Variants in CCDC178 observed in about 807,000 individuals in gnomAD.
CCDC178 encodes the protein coiled-coil domain containing 178, also known as coiled-coil domain-containing protein 178.
A neutral mutation model predicts 117.4 loss-of-function variants in CCDC178; 126 were observed. The observed-to-expected ratio is 1.07, with a 90% CI of 0.93 to 1.24. The LOEUF is 1.24. Ranked by LOEUF, CCDC178 falls within the 50% of genes most tolerant of loss-of-function variation. The pLI, the probability that CCDC178 is intolerant of heterozygous loss-of-function variation, is 0.00. For synonymous variants in CCDC178, 283 were observed against 313.4 expected, an observed-to-expected ratio of 0.90 and a Z score of 1.02; for missense variants, 1,030 against 986.9, an observed-to-expected ratio of 1.04 and a Z score of -0.59.
intron 5 of CCDC178, 81 bp downstream of exon 5, chr18:33,389,459 A>G (rs939779532): frequency 1.7e-5 from 9 of 544,444 alleles, no homozygotes; most frequent in Non-Finnish European, 2.4e-5. Context: ...CAAAATAGAA[A>G]TAGTATTGAC....
At chr18:33,202,193 A>T (rs949493573) in intron 20 of CCDC178, among the ~76,000 whole-genome samples, 2 of 151,954 alleles carry the variant, frequency 1.3e-5, no homozygotes, top group Admixed American at 6.6e-5. Context: ...AGAGATCGAG[A>T]CCATCCTGGT....
chr18:32,937,960 G>T lies in CCDC178; in HGVS notation c.*51C>A. ...CCAATTACACTGTTATCTGAACTGT[G>T]TGACTTTTCTTGTCTTTTATTTCAG... On this transcript the variant is annotated 3_prime_UTR_variant, in exon 23 of 23. Coordinates refer to ENST00000383096, the MANE Select transcript of CCDC178 (RefSeq NM_001105528.4). The T allele has an allele frequency of 7.2e-7, 1 of 1,384,986 alleles. No individual in the cohort carries two copies. Among genetic ancestry groups the T allele is most frequent in the Non-Finnish European group, 1.0e-6 (1 of 972,364 alleles). 85.8% of individuals were successfully genotyped at this position (1,384,986 alleles called of 1,614,324 possible).
intron 21 of CCDC178, among the ~76,000 whole-genome samples, chr18:33,016,407 T>C (rs189445459): frequency 6.6e-6 from 1 of 151,518 alleles, no homozygotes; most frequent in Admixed American, 6.6e-5. Context: ...AATGAAAAAA[T>C]ATTAGGCAAG....
chr18:33,291,239 C>T (rs2060162728), intron 12 of CCDC178, among the ~76,000 whole-genome samples: 1 of 152,004 alleles, frequency 6.6e-6, no homozygotes, highest in South Asian at 2.1e-4. Context: ...ATACCTGATA[C>T]TACATTAAAC....
chr18:32,989,031 GT>G (rs1568201603), intron 21 of CCDC178, among the ~76,000 whole-genome samples: 1 of 151,994 alleles, frequency 6.6e-6, no homozygotes, highest in African/African-American at 2.4e-5. Flanking sequence ...ATTTTTCCAA[GT>G]TTTAAAGACA....
Position 33,409,277 on chromosome 18 carries a change from G to A in CCDC178, c.58+2754C>T, listed in dbSNP as rs189174350. ...TTTTCGTATTTTTTGTAAAGACAGG[G>A]TTTCACTCTGTTTCCCAAGCTGGTC... On this transcript the variant is annotated intron_variant, in intron 3 of 22. Coordinates refer to ENST00000383096, the MANE Select transcript of CCDC178 (RefSeq NM_001105528.4). 6.9e-3 allele frequency among the ~76,000 whole-genome samples: 1,052 copies of A among 152,032 alleles called. 10 individuals carry two copies. Among genetic ancestry groups the A allele is most frequent in the Non-Finnish European group, 8.6e-3 (584 of 67,974 alleles).
chr18:33,241,281 A>G (rs2059484277), intron 15 of CCDC178, among the ~76,000 whole-genome samples: 1 of 150,948 alleles, frequency 6.6e-6, no homozygotes, highest in Admixed American at 6.6e-5. Context: ...TCTAGGAACT[A>G]AACAAGACAA....
chr18:33,324,208 G>A (rs550297781), intron 10 of CCDC178, among the ~76,000 whole-genome samples: 1 of 151,520 alleles, frequency 6.6e-6, no homozygotes, highest in South Asian at 2.1e-4. Context: ...TCTGTATATC[G>A]CTGTATCACA....
intron 1 of CCDC178, 45 bp downstream of exon 1, chr18:33,440,608 C>T (rs1033896683): frequency 6.7e-6 from 1 of 148,464 alleles, no homozygotes; most frequent in Non-Finnish European, 1.5e-5. Flanking sequence ...CGCCCCGCGC[C>T]GAGGCACAAG....
chr18:33,093,427 G>A (rs2057497506), intron 20 of CCDC178, among the ~76,000 whole-genome samples: 2 of 151,780 alleles, frequency 1.3e-5, no homozygotes, highest in Admixed American at 1.3e-4. Context: ...CAAAGAATAG[G>A]GAATGCAAAA....
chr18:33,117,113 G>A lies in CCDC178; in HGVS notation c.2239-24203C>T, dbSNP rs542325841. On this transcript the variant is annotated intron_variant, in intron 20 of 22. Coordinates refer to ENST00000383096, the MANE Select transcript of CCDC178 (RefSeq NM_001105528.4). ...AGAAAATTGATGAAAAGGAGGTCTG[G>A]GGAAGACAAATATGTATTGCCCATT... 3.3e-5 allele frequency among the ~76,000 whole-genome samples: 5 copies of A among 152,124 alleles called. No homozygotes were observed. In the East Asian group the frequency reaches 9.7e-4, roughly 30 times the overall value.
intron 21 of CCDC178, among the ~76,000 whole-genome samples, chr18:33,004,451 G>T (rs1347755474): frequency 6.6e-6 from 1 of 152,002 alleles, no homozygotes; most frequent in Non-Finnish European, 1.5e-5. Context: ...AATGAAACAA[G>T]ACCCTTATCT....
At chr18:33,010,189 T>A (rs904123819) in intron 21 of CCDC178, among the ~76,000 whole-genome samples, 1 of 152,162 alleles carries the variant, frequency 6.6e-6, no homozygotes, top group Admixed American at 6.6e-5. Context: ...TATGTTTGAT[T>A]TTTAGGTATT....
chr18:33,134,648 T>C (rs185014162), intron 20 of CCDC178, among the ~76,000 whole-genome samples: 2 of 152,200 alleles, frequency 1.3e-5, no homozygotes, highest in Admixed American at 1.3e-4. Context: ...ATGACCAAAA[T>C]GTCCCTTTGT....
intron 11 of CCDC178, among the ~76,000 whole-genome samples, chr18:33,311,193 A>G (rs934807493): frequency 6.6e-6 from 1 of 152,200 alleles, no homozygotes; most frequent in Non-Finnish European, 1.5e-5. Context: ...AACAAACAAC[A>G]ACAAAAAACT....
chr18:33,121,326 C>T (rs2057934027), intron 20 of CCDC178, among the ~76,000 whole-genome samples: 1 of 152,094 alleles, frequency 6.6e-6, no homozygotes, highest in African/African-American at 2.4e-5. Context: ...AGCTTGTGCC[C>T]TGAGTTCCAG....
At chr18:33,255,854 C>G (rs570999976) in intron 14 of CCDC178, among the ~76,000 whole-genome samples, 102 of 151,830 alleles carry the variant, frequency 6.7e-4, no homozygotes, top group Non-Finnish European at 1.3e-3. Flanking sequence ...CTGAAAAGAA[C>G]AGCTTCACAG....
intron 20 of CCDC178, among the ~76,000 whole-genome samples, chr18:33,165,415 A>G (rs2058516890): frequency 6.6e-6 from 1 of 152,122 alleles, no homozygotes; most frequent in Admixed American, 6.5e-5. Flanking sequence ...ATTCAGGAGG[A>G]TGTGTGTAGA....
chr18:33,185,156 T>A (rs2058775805), intron 20 of CCDC178, among the ~76,000 whole-genome samples: 1 of 151,876 alleles, frequency 6.6e-6, no homozygotes, highest in South Asian at 2.1e-4. Context: ...AAAGAAATCA[T>A]TTGAGAGAAG....
Sources: allele counts gnomAD v4.1 joint callset (sites outside exome capture counted in the v4.1 genomes callset), GRCh38; gene constraint gnomAD v4.1.1; transcripts MANE v1.5; gene names NCBI Gene and HGNC (gene_info 2026-07-23, HGNC 2026-07-21).